Variants in KCNQ1 observed in about 807,000 individuals in gnomAD.
KCNQ1 encodes the protein potassium voltage-gated channel subfamily Q member 1, also known as potassium voltage-gated channel subfamily KQT member 1.
In KCNQ1, 49 loss-of-function variants were observed where a neutral mutation model predicts 72.4. The observed-to-expected ratio is 0.68, with a 90% CI of 0.54 to 0.86. The LOEUF is 0.86. Among genes scored for constraint, KCNQ1 ranks in the 40% least tolerant of loss-of-function variants. The probability of loss-of-function intolerance (pLI) is 0.00; values close to 1 mark genes in which losing one functional copy is unlikely to be tolerated. For missense variants in KCNQ1, 790 were observed against 945.1 expected (o/e 0.84, Z 2.15); for synonymous variants, 450 against 412.6 (o/e 1.09, Z -1.10).
Position 2,710,438 on chromosome 11 carries a change from T to G in KCNQ1, c.1514+48357T>G, listed in dbSNP as rs1850983930. 6.6e-6 allele frequency among the ~76,000 whole-genome samples: 1 copy of G among 152,224 alleles called. No individual in the cohort carries two copies. The highest frequency in any genetic ancestry group is 2.4e-5 in the African/African-American group (1 of 41,464). On this transcript the variant is annotated intron_variant, in intron 11 of 15. Transcript: ENST00000155840. The surrounding 1 kb of genome is among the most constrained non-coding windows in gnomAD (Gnocchi z 4.1). ...TCCTTTTTGTGGGTTGTCTTTTCAC[T>G]TTCTTGATCATGTCCTTTGACTCAC...
At position 2,713,690 on chromosome 11, in the gene KCNQ1, G is replaced by A. The variant is rs374620195; in HGVS notation, c.1514+51609G>A. Among the ~76,000 whole-genome samples the A allele has an allele frequency of 2.0e-5, 3 of 152,210 alleles. No homozygotes were observed. Among genetic ancestry groups the A allele is most frequent in the East Asian group, 3.8e-4 (2 of 5,200 alleles). ...GGCTCTGCGGGCCTCTGGCCGAGCT[G>A]GGTTGCAGGAGAAGCCAAGTGCCGG... On this transcript the variant is annotated intron_variant, in intron 11 of 15. Coordinates refer to ENST00000155840, the MANE Select transcript of KCNQ1 (RefSeq NM_000218.3). The surrounding 1 kb of genome is among the most constrained non-coding windows in gnomAD (Gnocchi z 5.6).
intron 1 of KCNQ1, among the ~76,000 whole-genome samples, chr11:2,517,394 C>T (rs924091814): frequency 6.6e-6 from 1 of 152,092 alleles, no homozygotes; most frequent in African/African-American, 2.4e-5. Flanking sequence ...CTGTCTGCAC[C>T]GAAGGGGGCT....
At chr11:2,819,626 G>GCTT (rs1268629599) in intron 15 of KCNQ1, among the ~76,000 whole-genome samples, 23 of 152,272 alleles carry the variant, frequency 1.5e-4, no homozygotes, top group Non-Finnish European at 2.4e-4. Context: ...GAGCAGTTAT[G>GCTT]GTGCCTGGGG....
chr11:2,783,586 T>G lies in KCNQ1; in HGVS notation c.1794+5549T>G, dbSNP rs897945260. On this transcript the variant is annotated intron_variant, in intron 15 of 15. Transcript: ENST00000155840. The surrounding 1 kb of genome is among the most constrained non-coding windows in gnomAD (Gnocchi z 5.2). ...TTAACTTTCTAAGAAACTTCTAAAC[T>G]GTTTCCAAAGGATTTATACCATTTT... Among the ~76,000 whole-genome samples the G allele has an allele frequency of 6.6e-6, 1 of 152,106 alleles. No homozygotes were observed. The highest frequency in any genetic ancestry group is 6.5e-5 in the Admixed American group (1 of 15,280).
intron 15 of KCNQ1, among the ~76,000 whole-genome samples, chr11:2,788,871 T>C (rs1037089535): frequency 6.6e-6 from 1 of 152,162 alleles, no homozygotes; most frequent in Admixed American, 6.5e-5. Flanking sequence ...ACCCTGTTCC[T>C]GCACAGGGGT....
At chr11:2,609,330 C>T (rs1848936903) in intron 10 of KCNQ1, 2 of 398,148 alleles carry the variant, frequency 5.0e-6, no homozygotes, top group Non-Finnish European at 8.9e-6. Flanking sequence ...TGTATGTTTC[C>T]CTAATTTCTT....
Position 2,495,830 on chromosome 11 carries a change from A to T in KCNQ1, c.387-32098A>T, listed in dbSNP as rs1846904114. Among the ~76,000 whole-genome samples, 1 of 152,232 alleles carries T rather than the reference A, an allele frequency of 6.6e-6. No homozygotes were observed. The highest frequency in any genetic ancestry group is 6.5e-5 in the Admixed American group (1 of 15,290). On this transcript the variant is annotated intron_variant, in intron 1 of 15. Coordinates refer to ENST00000155840, the MANE Select transcript of KCNQ1 (RefSeq NM_000218.3). This position sits in a 1 kb window ranked among gnomAD's most constrained non-coding sequence, Gnocchi z 4.6. ...TACATTCTCTTGATTTGGGGTGGAA[A>T]GTTCTGTAGATGTCTATTAGGTCCG...
At position 2,683,614 on chromosome 11, in the gene KCNQ1, C is replaced by A; in HGVS notation, c.1514+21533C>A. On this transcript the variant is annotated intron_variant, in intron 11 of 15. Transcript: ENST00000155840. This position sits in a 1 kb window ranked among gnomAD's most constrained non-coding sequence, Gnocchi z 4.7. Reference sequence around the variant, plus strand: ...ATGCCAACTCATTTCAAATACTGCTCTAGACAACTGGGCCCTGCATCTGCT... The same window carrying A: ...ATGCCAACTCATTTCAAATACTGCTATAGACAACTGGGCCCTGCATCTGCT... The A allele has an allele frequency of 2.5e-6, 1 of 398,652 alleles. No homozygotes were observed. The highest frequency in any genetic ancestry group is 1.3e-4 in the South Asian group (1 of 7,858). The allele number at this position is 398,652 out of a possible 1,614,324, so 24.7% of individuals were successfully genotyped here.
intron 10 of KCNQ1, chr11:2,633,164 AGATGTT>A (rs1339516567): frequency 2.5e-6 from 1 of 398,310 alleles, no homozygotes; most frequent in Non-Finnish European, 4.4e-6. Context: ...CTGTGATGAG[AGATGTT>A]GAGCATTTTT....
At chr11:2,794,510 G>A (rs1564895576) in intron 15 of KCNQ1, among the ~76,000 whole-genome samples, 1 of 152,202 alleles carries the variant, frequency 6.6e-6, no homozygotes, top group Non-Finnish European at 1.5e-5. Flanking sequence ...GCCGTGGTCA[G>A]GGGCGGCACA....
chr11:2,620,844 C>T lies in KCNQ1; in HGVS notation c.1393+31990C>T. On this transcript the variant is annotated intron_variant, in intron 10 of 15. Transcript: ENST00000155840. This position sits in a 1 kb window ranked among gnomAD's most constrained non-coding sequence, Gnocchi z 4.5. ...CGTTCCCTTTTCTCTGCAGCCTTCC[C>T]AGCAACTTTTATTTTTTTGACTTTT... The T allele has an allele frequency of 2.5e-6, 1 of 398,532 alleles. No homozygotes were observed. Among genetic ancestry groups the T allele is most frequent in the Non-Finnish European group, 4.4e-6 (1 of 226,076 alleles). The allele number at this position is 398,532 out of a possible 1,614,324, so 24.7% of individuals were successfully genotyped here. A position where few individuals can be genotyped will look rare whatever the true frequency, so the allele number is the denominator to read the frequency against.
intron 11 of KCNQ1, among the ~76,000 whole-genome samples, chr11:2,706,953 A>G (rs1850921832): frequency 6.6e-6 from 1 of 152,098 alleles, no homozygotes; most frequent in Non-Finnish European, 1.5e-5. Flanking sequence ...GGAGAAACTG[A>G]CAGTTGGAAT....
intron 11 of KCNQ1, among the ~76,000 whole-genome samples, chr11:2,716,578 C>T (rs1225399611): frequency 6.6e-6 from 1 of 152,250 alleles, no homozygotes; most frequent in African/African-American, 2.4e-5. Flanking sequence ...TGTTAGGACA[C>T]GCAGCTTCAG....
At position 2,668,700 on chromosome 11, in the gene KCNQ1, A is replaced by G. The variant is rs1353688242; in HGVS notation, c.1514+6619A>G. 1 of 398,250 alleles carries G rather than the reference A, an allele frequency of 2.5e-6. No homozygotes were observed. Among genetic ancestry groups the G allele is most frequent in the Non-Finnish European group, 4.4e-6 (1 of 226,024 alleles). The allele number at this position is 398,250 out of a possible 1,614,324, so 24.7% of individuals were successfully genotyped here. A position where few individuals can be genotyped will look rare whatever the true frequency, so the allele number is the denominator to read the frequency against. ...CAGAGAGAGAGATACACACACTCACACTCTCTCACAGACACACACATTGCA... is the reference window on the plus strand; with the variant it reads ...CAGAGAGAGAGATACACACACTCACGCTCTCTCACAGACACACACATTGCA... On this transcript the variant is annotated intron_variant, in intron 11 of 15. Transcript: ENST00000155840. This position sits in a 1 kb window ranked among gnomAD's most constrained non-coding sequence, Gnocchi z 4.3.
chr11:2,579,313 A>G lies in KCNQ1; in HGVS notation c.922-4122A>G, dbSNP rs1848464430. On this transcript the variant is annotated intron_variant, in intron 6 of 15. Transcript: ENST00000155840. This position sits in a 1 kb window ranked among gnomAD's most constrained non-coding sequence, Gnocchi z 6.0. ...CCCCTTCACATGGGAGTGAAGGCAC[A>G]GGCCAGCAGGAGGGCGGGGGAAACA... Among the ~76,000 whole-genome samples, 1 of 152,198 alleles carries G rather than the reference A, an allele frequency of 6.6e-6. No individual in the cohort carries two copies. The highest frequency in any genetic ancestry group is 2.4e-5 in the African/African-American group (1 of 41,460).
rs1248454084 is a variant in KCNQ1 at position 2,772,732 on chromosome 11, G to A, written c.1591-3228G>A. Among the ~76,000 whole-genome samples the A allele has an allele frequency of 2.6e-5, 4 of 152,062 alleles. No individual in the cohort carries two copies. Among genetic ancestry groups the A allele is most frequent in the Non-Finnish European group, 5.9e-5 (4 of 67,998 alleles). On this transcript the variant is annotated intron_variant, in intron 12 of 15. Coordinates refer to ENST00000155840, the MANE Select transcript of KCNQ1 (RefSeq NM_000218.3). This position sits in a 1 kb window ranked among gnomAD's most constrained non-coding sequence, Gnocchi z 6.6. ...ACACTCAGGTACATAATACTTCCTT[G>A]CCCACAACAGGCCTGTTTGGAAGCA...
chr11:2,829,998 G>GGGAGGAGGAA (rs1243212573), intron 15 of KCNQ1, among the ~76,000 whole-genome samples: 17 of 129,174 alleles, frequency 1.3e-4, no homozygotes, highest in South Asian at 4.8e-4. Flanking sequence ...GGAAGGAAGA[G>GGGAGGAGGAA]GGAGGAGGAA....
At chr11:2,625,882 T>A in intron 10 of KCNQ1, 1 of 398,684 alleles carries the variant, frequency 2.5e-6, no homozygotes, top group Non-Finnish European at 4.4e-6. Context: ...TTGCCCATTT[T>A]TCAGGTGCAT....
At chr11:2,837,299 G>A (rs1012853593) in intron 15 of KCNQ1, among the ~76,000 whole-genome samples, 1 of 152,150 alleles carries the variant, frequency 6.6e-6, no homozygotes, top group Non-Finnish European at 1.5e-5. Context: ...TCTCAGTGGT[G>A]CCCAGGGAGC....
Sources: allele counts gnomAD v4.1 joint callset (sites outside exome capture counted in the v4.1 genomes callset), GRCh38; gene constraint gnomAD v4.1.1; non-coding constraint Gnocchi (gnomAD v3.1); transcripts MANE v1.5; gene names NCBI Gene and HGNC (gene_info 2026-07-23, HGNC 2026-07-21).